Variants in DLG2 observed in about 807,000 individuals in gnomAD.
DLG2 encodes the protein discs large MAGUK scaffold protein 2.
Under a neutral mutation model 132.5 loss-of-function variants are expected in DLG2, and 45 were observed. That is an observed-to-expected ratio of 0.34 (90% CI 0.27 to 0.44). The LOEUF (loss-of-function observed/expected upper bound fraction) is 0.44. Ranked by LOEUF, DLG2 falls within the 20% of genes least tolerant of loss-of-function variation. The probability of loss-of-function intolerance (pLI) is 1.00; values close to 1 mark genes in which losing one functional copy is unlikely to be tolerated. For synonymous variants in DLG2, 424 were observed against 419.6 expected, an observed-to-expected ratio of 1.01 and a Z score of -0.13; for missense variants, 1,045 against 1,196.9, an observed-to-expected ratio of 0.87 and a Z score of 1.87.
intron 6 of DLG2, among the ~76,000 whole-genome samples, chr11:84,611,814 A>T (rs561493102): frequency 1.3e-5 from 2 of 152,312 alleles, no homozygotes; most frequent in South Asian, 4.1e-4. Flanking sequence ...GTTCACTGCA[A>T]TGTTGTTTAT....
rs534676507 is a variant in DLG2 at position 84,398,867 on chromosome 11, C to T, written c.519+135703G>A. On this transcript the variant is annotated intron_variant, in intron 7 of 27. Transcript: ENST00000376104. ...AAGATGTATTCTATACCCGGAATTA[C>T]TGTGGACTCAAAACACTCTCAGTAA... Among the ~76,000 whole-genome samples the T allele has an allele frequency of 7.9e-5, 12 of 152,316 alleles. No individual in the cohort carries two copies. In the South Asian group the frequency reaches 2.5e-3, roughly 32 times the overall value.
At chr11:84,669,883 C>T (rs997567079) in intron 6 of DLG2, among the ~76,000 whole-genome samples, 8 of 152,010 alleles carry the variant, frequency 5.3e-5, no homozygotes, top group Non-Finnish European at 4.4e-5. Flanking sequence ...CCTGGGAACT[C>T]GAAGAAAGAG....
intron 15 of DLG2, among the ~76,000 whole-genome samples, chr11:83,891,706 G>C (rs1452865090): frequency 6.6e-6 from 1 of 152,138 alleles, no homozygotes; most frequent in Non-Finnish European, 1.5e-5. Context: ...CCTGACAGGG[G>C]AATGCCACAT....
intron 6 of DLG2, among the ~76,000 whole-genome samples, chr11:84,829,143 T>G (rs999107852): frequency 6.6e-6 from 1 of 151,622 alleles, no homozygotes; most frequent in Non-Finnish European, 1.5e-5. Context: ...TTATGGTAGA[T>G]TATTGTAATT....
intron 6 of DLG2, among the ~76,000 whole-genome samples, chr11:84,766,703 A>G (rs1007055218): frequency 1.3e-5 from 2 of 152,068 alleles, no homozygotes; most frequent in African/African-American, 4.8e-5. Flanking sequence ...AAATCCCTAC[A>G]AAGTAGACAC....
At chr11:84,887,923 C>A (rs1184886914) in intron 6 of DLG2, among the ~76,000 whole-genome samples, 1 of 152,140 alleles carries the variant, frequency 6.6e-6, no homozygotes, top group Non-Finnish European at 1.5e-5. Context: ...TACCCAGCTG[C>A]ATTTAACTAA....
chr11:85,340,637 T>C (rs966545345), intron 3 of DLG2, among the ~76,000 whole-genome samples: 21 of 152,296 alleles, frequency 1.4e-4, no homozygotes, highest in Non-Finnish European at 2.9e-4. Context: ...TTAAAGTATA[T>C]AATTTTTAAA....
intron 6 of DLG2, among the ~76,000 whole-genome samples, chr11:84,541,188 TATAATAATA>T (rs536129464): frequency 0.026 from 2,958 of 113,882 alleles, 98 homozygotes; most frequent in African/African-American, 0.088. Context: ...CTTGAAGTAT[TATAATAATA>T]ATAATAATAA....
intron 6 of DLG2, among the ~76,000 whole-genome samples, chr11:84,978,053 G>T (rs1167689161): frequency 6.6e-6 from 1 of 152,028 alleles, no homozygotes; most frequent in African/African-American, 2.4e-5. Flanking sequence ...AAGATATTTA[G>T]ATGTCTAAAT....
chr11:84,588,813 C>A (rs1387234557), intron 6 of DLG2, among the ~76,000 whole-genome samples: 5 of 151,550 alleles, frequency 3.3e-5, no homozygotes, highest in East Asian at 1.9e-4. Context: ...TATGGGCAAG[C>A]AGCAGCCTTT....
At chr11:84,431,224 A>T (rs956579514) in intron 7 of DLG2, among the ~76,000 whole-genome samples, 6 of 152,216 alleles carry the variant, frequency 3.9e-5, no homozygotes, top group Non-Finnish European at 7.3e-5. Context: ...ATACACACAC[A>T]ATATATAGTA....
chr11:84,757,996 T>C (rs1047880113), intron 6 of DLG2, among the ~76,000 whole-genome samples: 1 of 152,162 alleles, frequency 6.6e-6, no homozygotes, highest in African/African-American at 2.4e-5. Context: ...TTTAAAAGTA[T>C]CTGAGGAATA....
At chr11:84,506,205 A>C (rs999904461) in intron 7 of DLG2, among the ~76,000 whole-genome samples, 1 of 150,200 alleles carries the variant, frequency 6.7e-6, no homozygotes, top group African/African-American at 2.5e-5. Context: ...CCTCCCAAGT[A>C]GCTGGGACTA....
chr11:85,413,086 T>A (rs916562952), intron 3 of DLG2, among the ~76,000 whole-genome samples: 1 of 151,880 alleles, frequency 6.6e-6, no homozygotes, highest in African/African-American at 2.4e-5. Context: ...CATTTTTTGA[T>A]TTTTTATTGT....
intron 6 of DLG2, among the ~76,000 whole-genome samples, chr11:85,056,066 A>T (rs1195764777): frequency 6.6e-6 from 1 of 152,158 alleles, no homozygotes; most frequent in African/African-American, 2.4e-5. Context: ...TTTTTCATAT[A>T]TAATAACTGT....
intron 10 of DLG2, among the ~76,000 whole-genome samples, chr11:84,080,701 A>G (rs1566390001): frequency 6.6e-6 from 1 of 152,094 alleles, no homozygotes; most frequent in Non-Finnish European, 1.5e-5. Flanking sequence ...GAAAGAAAGC[A>G]TTGCTTTGGG....
At chr11:83,989,382 A>G (rs908958985) in intron 11 of DLG2, among the ~76,000 whole-genome samples, 13 of 152,160 alleles carry the variant, frequency 8.5e-5, no homozygotes, top group Non-Finnish European at 1.5e-5. Flanking sequence ...TTATCTAGCA[A>G]TAATAGATAC....
intron 4 of DLG2, among the ~76,000 whole-genome samples, chr11:85,186,612 A>T (rs1229643163): frequency 1.3e-5 from 2 of 152,138 alleles, no homozygotes; most frequent in Non-Finnish European, 2.9e-5. Context: ...GGAAGCTAAA[A>T]GTGGCTATTT....
intron 6 of DLG2, among the ~76,000 whole-genome samples, chr11:84,609,654 A>G (rs2099591909): frequency 6.6e-6 from 1 of 152,176 alleles, no homozygotes; most frequent in Admixed American, 6.5e-5. Context: ...AAATTGGAAA[A>G]TGAAACCTTT....
Sources: gnomAD v4.1 joint callset for allele counts (sites outside exome capture counted in the v4.1 genomes callset) on GRCh38, gnomAD v4.1.1 for gene constraint, MANE v1.5 for transcripts, NCBI Gene and HGNC (gene_info 2026-07-23, HGNC 2026-07-21) for gene names.